Variants in DPEP2 observed in about 807,000 individuals in gnomAD.
DPEP2 encodes dipeptidase 2.
A neutral mutation model predicts 51.8 loss-of-function variants in DPEP2; 45 were observed. The ratio of observed to expected loss-of-function variants is 0.87; its 90% CI spans 0.68 to 1.11. The LOEUF (loss-of-function observed/expected upper bound fraction) is 1.11, where lower values mean the gene tolerates loss of function less well. Ranked by LOEUF, DPEP2 falls within the 50% of genes most tolerant of loss-of-function variation. DPEP2 has a pLI of 0.00. For synonymous variants in DPEP2, 255 were observed against 262.7 expected (o/e 0.97, Z 0.28); for missense variants, 604 against 631.9 (o/e 0.96, Z 0.47).
chr16:67,990,967 T>C lies in DPEP2; in HGVS notation c.763A>G (p.Met255Val). 1 of 1,614,202 alleles carries C rather than the reference T, an allele frequency of 6.2e-7. No homozygotes were observed. Among genetic ancestry groups the C allele is most frequent in the Admixed American group, 1.7e-5 (1 of 60,026 alleles). ...GAGACATGGGATAAGTCTACCATCA[T>C]GCCCAGGCGGTTCATTTCTGCCACC... is the stretch of plus-strand genomic sequence containing the variant. ...KVVAEMNRLG[M>V]MVDLSHVSDA... The change falls in exon 7 of 11, where the codon ATG becomes GTG. Residue 255 changes from methionine (M) to valine (V), a missense_variant. Transcript: ENST00000393847.
At chr16:67,989,803 G>C (rs1259008247) in intron 8 of DPEP2, among the ~76,000 whole-genome samples, 1 of 152,206 alleles carries the variant, frequency 6.6e-6, no homozygotes, top group African/African-American at 2.4e-5. Flanking sequence ...GCCGAGGAAG[G>C]GTGCTTTGGG....
chr16:67,998,598 C>T (rs1169315176), intron 1 of DPEP2, among the ~76,000 whole-genome samples: 2 of 152,242 alleles, frequency 1.3e-5, no homozygotes, highest in African/African-American at 4.8e-5. Flanking sequence ...CTGAGGAGTG[C>T]GGGCGCATGG....
chr16:67,998,422 C>CTCGAT (rs2032826658), intron 1 of DPEP2, among the ~76,000 whole-genome samples: 2 of 152,176 alleles, frequency 1.3e-5, no homozygotes, highest in African/African-American at 4.8e-5. Flanking sequence ...CTGCGCTCGA[C>CTCGAT]TTCTCACCGG....
At position 67,993,168 on chromosome 16, in the gene DPEP2, C is replaced by A; in HGVS notation, c.45G>T (p.Trp15Cys). ...GCAGGAGCAGCAGACTCAGCAGAGG[C>A]CACCGACCAAACGTGCCGGGACCCT... is the stretch of plus-strand genomic sequence containing the variant. ...GLEGPGTFGR[W>C]PLLSLLLLLL... The change falls in exon 2 of 11, where the codon TGG becomes TGT. Residue 15 changes from tryptophan (W) to cysteine (C), a missense_variant. Transcript: ENST00000393847. 6.6e-7 allele frequency: 1 copy of A among 1,510,232 alleles called. No individual in the cohort carries two copies. The highest frequency in any genetic ancestry group is 8.9e-7 in the Non-Finnish European group (1 of 1,125,746). The allele number at this position is 1,510,232 out of a possible 1,614,324, so 93.6% of individuals were successfully genotyped here.
At position 67,990,995 on chromosome 16, in the gene DPEP2, C is replaced by T. The variant is rs753156744; in HGVS notation, c.735G>A (p.Lys245=). Residue 245 remains lysine (K), a splice_region_variant and synonymous_variant, in exon 7 of 11, where the codon AAG becomes AAA. Transcript: ENST00000393847. ...NISGLTDFGE[K]VVAEMNRLGM... is the part of the protein sequence containing the mutation. ...CCAGGCGGTTCATTTCTGCCACCAC[C>T]TTCTGCAGGGACATGTTGGGAGAAG... The T allele has an allele frequency of 1.2e-6, 2 of 1,613,938 alleles. No homozygotes were observed. Among genetic ancestry groups the T allele is most frequent in the Non-Finnish European group, 8.5e-7 (1 of 1,179,796 alleles).
At chr16:67,997,750 G>C (rs1488828155) in intron 1 of DPEP2, among the ~76,000 whole-genome samples, 1 of 152,224 alleles carries the variant, frequency 6.6e-6, no homozygotes, top group South Asian at 2.1e-4. Flanking sequence ...GAAGGGGCCT[G>C]TAAGGGGGAG....
At position 67,991,687 on chromosome 16, in the gene DPEP2, G is replaced by A. The variant is rs951655310; in HGVS notation, c.662+151C>T. On this transcript the variant is annotated intron_variant, in intron 5 of 10. Coordinates refer to ENST00000393847, the MANE Select transcript of DPEP2 (RefSeq NM_022355.4). This position sits in a 1 kb window ranked among gnomAD's most constrained non-coding sequence, Gnocchi z 5.1. ...GCCACCGCGTCTGGCCAGGGGTCAA[G>A]TCGTATTCTGAAAACCAGAATCCCA... 8.2e-7 allele frequency: 1 copy of A among 1,216,610 alleles called. No homozygotes were observed. Among genetic ancestry groups the A allele is most frequent in the Admixed American group, 2.7e-5 (1 of 36,774 alleles). The allele number at this position is 1,216,610 out of a possible 1,614,324, so 75.4% of individuals were successfully genotyped here.
Position 67,987,934 on chromosome 16 carries a change from A to C in DPEP2, c.1124T>G (p.Leu375Trp). The change falls in exon 10 of 11, where the codon TTG (leucine) becomes TGG (tryptophan). Residue 375 changes from leucine (L) to tryptophan (W), a missense_variant. Physicochemically the swap from Leu to Trp is moderately conservative, Grantham distance 61. Coordinates refer to ENST00000393847, the MANE Select transcript of DPEP2 (RefSeq NM_022355.4). ...VSTYPVLIEE[L>W]LSRGWSEEEL... Reference sequence around the variant, plus strand: ...TTCCTCACTCCAGCCACGACTCAGCAACTCCTCTATCAGGACCGGGTATGT... The same window carrying C: ...TTCCTCACTCCAGCCACGACTCAGCCACTCCTCTATCAGGACCGGGTATGT... The C allele has an allele frequency of 6.2e-7, 1 of 1,614,158 alleles. No individual in the cohort carries two copies. Among genetic ancestry groups the C allele is most frequent in the Non-Finnish European group, 8.5e-7 (1 of 1,180,020 alleles).
upstream of DPEP2, chr16:67,999,811 G>A (rs2032923335): frequency 6.6e-6 from 1 of 152,214 alleles, no homozygotes; most frequent in South Asian, 2.1e-4. Flanking sequence ...CGAGGCTGAG[G>A]TGGGAGGTTC....
At chr16:67,994,533 C>T (rs1466759700) in intron 1 of DPEP2, 1 of 985,396 alleles carries the variant, frequency 1.0e-6, no homozygotes, top group African/African-American at 1.7e-5. Context: ...CCCCTTCGTC[C>T]TCAGAGACCT....
chr16:67,989,226 G>T, intron 9 of DPEP2, 97 bp downstream of exon 9: 1 of 1,305,476 alleles, frequency 7.7e-7, no homozygotes, highest in Non-Finnish European at 1.1e-6. Context: ...GATCCCGGGA[G>T]TGTGGTCAAG....
intron 1 of DPEP2, chr16:67,994,078 C>G: frequency 2.0e-6 from 2 of 985,596 alleles, no homozygotes; most frequent in Non-Finnish European, 2.4e-6. Context: ...ATTCACTCAA[C>G]AGAGCAGGAA....
chr16:67,993,865 C>G (rs578123527), intron 1 of DPEP2: 1 of 985,484 alleles, frequency 1.0e-6, no homozygotes, highest in Non-Finnish European at 1.2e-6. Context: ...TTCTCTCTCC[C>G]GTAACTTAGG....
Position 67,989,348 on chromosome 16 carries a change from C to T in DPEP2, c.1045G>A (p.Gly349Ser), listed in dbSNP as rs1438626580. The T allele has an allele frequency of 1.2e-6, 2 of 1,614,190 alleles. No homozygotes were observed. The highest frequency in any genetic ancestry group is 1.7e-6 in the Non-Finnish European group (2 of 1,180,020). Residue 349 changes from glycine to serine, a missense_variant, in exon 9 of 11, where the codon GGT becomes AGT. Physicochemically the swap from Gly to Ser is moderately conservative, Grantham distance 56. Coordinates refer to ENST00000393847, the MANE Select transcript of DPEP2 (RefSeq NM_022355.4). ...TTGCCGGCCCCATCATAATCTCCAC[C>T]AATCCCGATGAACTTGGATCCAATG... Reference protein sequence around the residue: ...AVIGSKFIGIGGDYDGAGKFP... With the variant: ...AVIGSKFIGISGDYDGAGKFP...
At chr16:67,997,728 G>A (rs1450933514) in intron 1 of DPEP2, among the ~76,000 whole-genome samples, 1 of 152,184 alleles carries the variant, frequency 6.6e-6, no homozygotes, top group African/African-American at 2.4e-5. Flanking sequence ...GAGATCAGGA[G>A]GGGTAAGGAA....
chr16:67,992,359 C>T (rs747924088), intron 3 of DPEP2, 151 bp downstream of exon 3: 26 of 1,434,890 alleles, frequency 1.8e-5, no homozygotes, highest in Non-Finnish European at 2.1e-5. Flanking sequence ...TCACTGTAGC[C>T]TCTGCAGCCC....
chr16:68,000,442 G>A, upstream of DPEP2: 1 of 985,358 alleles, frequency 1.0e-6, no homozygotes, highest in Middle Eastern at 5.2e-4. Context: ...TGCAGCTGGG[G>A]CTTACTCAGT....
intron 1 of DPEP2, chr16:67,993,869 A>C: frequency 2.0e-6 from 2 of 985,396 alleles, no homozygotes; most frequent in Non-Finnish European, 2.4e-6. Flanking sequence ...CTCTCCCGTA[A>C]CTTAGGCCCT....
chr16:67,994,892 C>T (rs1369879148), intron 1 of DPEP2: 14 of 985,310 alleles, frequency 1.4e-5, no homozygotes, highest in African/African-American at 1.7e-5. Context: ...CTACTGCTGC[C>T]GAAGGGGGTC....
Sources: allele counts gnomAD v4.1 joint callset (sites outside exome capture counted in the v4.1 genomes callset), GRCh38; gene constraint gnomAD v4.1.1; non-coding constraint Gnocchi (gnomAD v3.1); transcripts MANE v1.5; gene names NCBI Gene and HGNC (gene_info 2026-07-23, HGNC 2026-07-21).